Variants in CPA6 observed in about 807,000 individuals in gnomAD.
CPA6 encodes carboxypeptidase A6, also known as carboxypeptidase B.
Under a neutral mutation model 63.3 loss-of-function variants are expected in CPA6, and 58 were observed. That is an observed-to-expected ratio of 0.92 (90% CI 0.74 to 1.14). The LOEUF is 1.14. CPA6 is among the 50% of genes most tolerant of loss of function. The probability of loss-of-function intolerance (pLI) is 0.00; values close to 1 mark genes in which losing one functional copy is unlikely to be tolerated. For missense variants in CPA6, 565 were observed against 526.6 expected (o/e 1.07, Z -0.71); for synonymous variants, 185 against 179.0 (o/e 1.03, Z -0.27).
At chr8:67,724,255 T>C (rs1817556005) in intron 1 of CPA6, among the ~76,000 whole-genome samples, 1 of 152,140 alleles carries the variant, frequency 6.6e-6, no homozygotes, top group Admixed American at 6.5e-5. Flanking sequence ...TCACCTCTTT[T>C]CTCTAGCTGT....
At chr8:67,435,997 G>A (rs1294797247) in intron 8 of CPA6, among the ~76,000 whole-genome samples, 1 of 151,192 alleles carries the variant, frequency 6.6e-6, no homozygotes, top group East Asian at 1.9e-4. Flanking sequence ...CTTGGGGGAG[G>A]GCGTAAGGTG....
At chr8:67,437,924 G>A (rs1053945617) in intron 8 of CPA6, among the ~76,000 whole-genome samples, 1 of 121,756 alleles carries the variant, frequency 8.2e-6, no homozygotes, top group African/African-American at 5.4e-5. Flanking sequence ...TTTTTTCTGG[G>A]GGGTGGGGGG....
intron 1 of CPA6, among the ~76,000 whole-genome samples, chr8:67,725,087 T>A (rs79857526): frequency 1.8e-3 from 270 of 152,322 alleles, no homozygotes; most frequent in African/African-American, 6.3e-3. Context: ...TCATGTCCAT[T>A]TTGTGTAGAG....
At chr8:67,657,990 C>A (rs1193059458) in intron 1 of CPA6, among the ~76,000 whole-genome samples, 3 of 152,192 alleles carry the variant, frequency 2.0e-5, no homozygotes, top group African/African-American at 4.8e-5. Flanking sequence ...CCTCTCCTGC[C>A]TTCCTCACCC....
chr8:67,653,570 T>G (rs201145349), intron 1 of CPA6, among the ~76,000 whole-genome samples: 41,808 of 151,266 alleles, frequency 0.28, 5,826 homozygotes, highest in African/African-American at 0.33. Flanking sequence ...TAAGAATGTT[T>G]GTGATTTTTG....
intron 1 of CPA6, among the ~76,000 whole-genome samples, chr8:67,684,387 A>G (rs183370122): frequency 6.6e-6 from 1 of 152,216 alleles, no homozygotes; most frequent in African/African-American, 2.4e-5. Context: ...ATGCAAATAC[A>G]AGTTTCCTAT....
intron 1 of CPA6, among the ~76,000 whole-genome samples, chr8:67,718,883 G>A (rs192561097): frequency 1.9e-4 from 29 of 152,212 alleles, no homozygotes; most frequent in African/African-American, 5.8e-4. Context: ...CTGACCTTGT[G>A]ATCTGCCCAC....
intron 1 of CPA6, among the ~76,000 whole-genome samples, chr8:67,743,198 C>T (rs1484649485): frequency 6.6e-6 from 1 of 152,180 alleles, no homozygotes; most frequent in Non-Finnish European, 1.5e-5. Flanking sequence ...TGCTTCATTC[C>T]TTTCCTATGC....
intron 5 of CPA6, among the ~76,000 whole-genome samples, chr8:67,509,068 T>G (rs1224221558): frequency 6.6e-6 from 1 of 151,974 alleles, no homozygotes; most frequent in Admixed American, 6.6e-5. Flanking sequence ...CTACACACTT[T>G]TAAACAACCA....
chr8:67,428,807 C>T (rs973703448), intron 9 of CPA6, among the ~76,000 whole-genome samples: 1 of 152,118 alleles, frequency 6.6e-6, no homozygotes, highest in African/African-American at 2.4e-5. Context: ...CTATAAGTTA[C>T]AAAATACTTG....
chr8:67,475,813 CTT>C (rs1491314387), intron 8 of CPA6, among the ~76,000 whole-genome samples: 5 of 43,024 alleles, frequency 1.2e-4, no homozygotes, highest in African/African-American at 6.6e-4. Context: ...TTCTTTCTTT[CTT>C]TCCTTTCTTT....
At chr8:67,570,825 G>A (rs1221952652) in intron 2 of CPA6, among the ~76,000 whole-genome samples, 1 of 152,078 alleles carries the variant, frequency 6.6e-6, no homozygotes, top group Non-Finnish European at 1.5e-5. Context: ...GAACAAAATG[G>A]TATTTGTAGG....
intron 1 of CPA6, among the ~76,000 whole-genome samples, chr8:67,687,810 A>G (rs1816737289): frequency 6.6e-6 from 1 of 152,194 alleles, no homozygotes; most frequent in Admixed American, 6.5e-5. Context: ...CTATAGGATA[A>G]GGATTATAGT....
At chr8:67,508,156 C>A (rs747479715) in intron 5 of CPA6, among the ~76,000 whole-genome samples, 13 of 151,696 alleles carry the variant, frequency 8.6e-5, no homozygotes, top group Non-Finnish European at 1.5e-4. Context: ...AGTACTGAGG[C>A]CACTACTGCA....
At chr8:67,476,089 A>C (rs1811230641) in intron 8 of CPA6, among the ~76,000 whole-genome samples, 1 of 149,950 alleles carries the variant, frequency 6.7e-6, no homozygotes, top group Admixed American at 6.7e-5. Context: ...ATCTTGGCTC[A>C]CGGCAACCGT....
intron 6 of CPA6, among the ~76,000 whole-genome samples, chr8:67,496,398 T>TA (rs913925849): frequency 1.3e-5 from 2 of 151,370 alleles, no homozygotes; most frequent in African/African-American, 4.8e-5. Context: ...AACCCTAATT[T>TA]AAAAAATAAC....
intron 1 of CPA6, among the ~76,000 whole-genome samples, chr8:67,713,099 G>GTGTGTGTGTGTGTATATATATA (rs1328463977): frequency 5.5e-5 from 3 of 55,034 alleles, no homozygotes; most frequent in African/African-American, 2.2e-4. Context: ...GTGTGTGTGT[G>GTGTGTGTGTGTGTATATATATA]TATATATATA....
intron 1 of CPA6, among the ~76,000 whole-genome samples, chr8:67,711,676 T>C (rs977830681): frequency 3.7e-5 from 5 of 136,080 alleles, no homozygotes; most frequent in African/African-American, 1.6e-4. Flanking sequence ...GTGGTATATG[T>C]ATGCCTGTGT....
chr8:67,615,239 A>G (rs1047263441), intron 2 of CPA6, among the ~76,000 whole-genome samples: 12 of 152,220 alleles, frequency 7.9e-5, no homozygotes, highest in Non-Finnish European at 1.6e-4. Flanking sequence ...TAATTAAAAG[A>G]ATCTTCAACT....
Sources: allele counts gnomAD v4.1 joint callset (sites outside exome capture counted in the v4.1 genomes callset), GRCh38; gene constraint gnomAD v4.1.1; transcripts MANE v1.5; gene names NCBI Gene and HGNC (gene_info 2026-07-23, HGNC 2026-07-21).